Variants in SCHIP1 observed in about 807,000 individuals in gnomAD.
The protein encoded by SCHIP1 is schwannomin interacting protein 1.
Under a neutral mutation model 29.7 loss-of-function variants are expected in SCHIP1, and 8 were observed. The ratio of observed to expected loss-of-function variants is 0.27; its 90% CI spans 0.16 to 0.49. The LOEUF (loss-of-function observed/expected upper bound fraction) is 0.49. SCHIP1 is among the 20% of genes least tolerant of loss of function. The pLI is 0.99. For synonymous variants in SCHIP1, 76 were observed against 94.9 expected (o/e 0.80, Z 1.16); for missense variants, 193 against 294.6 (o/e 0.66, Z 2.52).
the SCHIP1 span, among the ~76,000 whole-genome samples, chr3:159,432,286 ATGTGTGTGTGTGTGTGTGTGTGTGTG>A: frequency 3.7e-5 from 4 of 108,094 alleles, no homozygotes; most frequent in Admixed American, 3.1e-4. Context: ...AGAGTAGGTG[ATGTGTGTGTGTGTGTGTGTGTGTGTG>A]TGTGTGTGTG....
chr3:159,494,402 T>TA, the SCHIP1 span, among the ~76,000 whole-genome samples: 251 of 151,910 alleles, frequency 1.7e-3, 1 homozygote, highest in African/African-American at 5.3e-3. Flanking sequence ...ACAGACGCAA[T>TA]AAAAAATGAC....
At chr3:159,485,834 A>C in the SCHIP1 span, among the ~76,000 whole-genome samples, 2 of 152,194 alleles carry the variant, frequency 1.3e-5, no homozygotes, top group Admixed American at 6.5e-5. Context: ...CTTGTCCATA[A>C]CACACTATGT....
the SCHIP1 span, among the ~76,000 whole-genome samples, chr3:159,306,210 G>GATGAATGTTTAAC: frequency 6.6e-6 from 1 of 152,210 alleles, no homozygotes; most frequent in Admixed American, 6.5e-5. Flanking sequence ...GTGATATGAT[G>GATGAATGTTTAAC]ATGAATGTTT....
the SCHIP1 span, among the ~76,000 whole-genome samples, chr3:159,503,672 C>T: frequency 0.68 from 103,193 of 152,076 alleles, 35,593 homozygotes; most frequent in African/African-American, 0.8. Flanking sequence ...AAAAGGATAA[C>T]TGAGAATTCT....
chr3:159,618,354 G>A, the SCHIP1 span, among the ~76,000 whole-genome samples: 1 of 152,324 alleles, frequency 6.6e-6, no homozygotes, highest in Non-Finnish European at 1.5e-5. Context: ...ATTTGGCTTA[G>A]TTACAAAACT....
At chr3:159,721,332 T>G in the SCHIP1 span, among the ~76,000 whole-genome samples, 1 of 152,246 alleles carries the variant, frequency 6.6e-6, no homozygotes, top group East Asian at 1.9e-4. Context: ...AGGAAATCTA[T>G]GCACTGCTTT....
At chr3:159,593,811 G>C in the SCHIP1 span, among the ~76,000 whole-genome samples, 1 of 152,210 alleles carries the variant, frequency 6.6e-6, no homozygotes, top group South Asian at 2.1e-4. Flanking sequence ...AATTTGCATA[G>C]ATCATGCTAC....
chr3:159,857,005 T>C (rs1273291088), intron 1 of SCHIP1, among the ~76,000 whole-genome samples: 1 of 152,136 alleles, frequency 6.6e-6, no homozygotes, highest in Non-Finnish European at 1.5e-5. Context: ...TGAAGAACCA[T>C]GTTAAGTTAC....
chr3:159,585,599 A>G, the SCHIP1 span, among the ~76,000 whole-genome samples: 1 of 152,172 alleles, frequency 6.6e-6, no homozygotes. Context: ...AAATAAATAC[A>G]TATTAACTAA....
the SCHIP1 span, among the ~76,000 whole-genome samples, chr3:159,427,928 A>C: frequency 6.6e-6 from 1 of 151,030 alleles, no homozygotes; most frequent in African/African-American, 2.4e-5. Context: ...AAACCTGAGA[A>C]AAACAAGCAA....
the SCHIP1 span, among the ~76,000 whole-genome samples, chr3:159,828,361 T>TTATA: frequency 5.4e-3 from 550 of 101,442 alleles, 9 homozygotes; most frequent in African/African-American, 0.011. Flanking sequence ...AGTGTAACCT[T>TTATA]TATATATATA....
At chr3:159,401,457 C>A in the SCHIP1 span, 1 of 621,152 alleles carries the variant, frequency 1.6e-6, no homozygotes, top group Non-Finnish European at 2.0e-6. Flanking sequence ...CGTTATATGC[C>A]TGGCACAGGC....
the SCHIP1 span, among the ~76,000 whole-genome samples, chr3:159,387,895 T>C: frequency 6.6e-6 from 1 of 152,188 alleles, no homozygotes; most frequent in Non-Finnish European, 1.5e-5. Flanking sequence ...GTATAGACTT[T>C]AAAGGGAGTG....
At chr3:159,453,518 G>T in the SCHIP1 span, among the ~76,000 whole-genome samples, 1 of 152,260 alleles carries the variant, frequency 6.6e-6, no homozygotes, top group East Asian at 1.9e-4. Context: ...TCACTTAGCT[G>T]TGTGGCCTCA....
chr3:159,373,856 TGG>T, the SCHIP1 span, among the ~76,000 whole-genome samples: 1 of 152,208 alleles, frequency 6.6e-6, no homozygotes, highest in Non-Finnish European at 1.5e-5. Context: ...CTTCATAACT[TGG>T]CTACTATGAA....
the SCHIP1 span, chr3:159,721,810 T>C: frequency 1.3e-4 from 57 of 422,762 alleles, no homozygotes; most frequent in African/African-American, 9.6e-4. Flanking sequence ...GCATCCTCCA[T>C]GGAAATGATA....
At chr3:159,441,624 T>C in the SCHIP1 span, among the ~76,000 whole-genome samples, 8 of 152,090 alleles carry the variant, frequency 5.3e-5, no homozygotes, top group Admixed American at 1.3e-4. Context: ...AAGATGAAGA[T>C]TAAGAACACT....
chr3:159,731,755 A>G, the SCHIP1 span, among the ~76,000 whole-genome samples: 3 of 152,218 alleles, frequency 2.0e-5, no homozygotes, highest in African/African-American at 7.2e-5. Context: ...CATATAATTG[A>G]GGAAGACTTC....
At chr3:159,880,711 G>C (rs374140362) in intron 2 of SCHIP1, among the ~76,000 whole-genome samples, 3 of 152,162 alleles carry the variant, frequency 2.0e-5, no homozygotes, top group African/African-American at 7.2e-5. Flanking sequence ...GAAATTTACA[G>C]AACTATTATT....
Sources: allele counts gnomAD v4.1 joint callset (sites outside exome capture counted in the v4.1 genomes callset), GRCh38; gene constraint gnomAD v4.1.1; transcripts MANE v1.5; gene names NCBI Gene and HGNC (gene_info 2026-07-23, HGNC 2026-07-21).